SEMA4D: variants seen among roughly 807,000 people sequenced by gnomAD.
SEMA4D encodes the protein semaphorin-4D.
Under a neutral mutation model 74.8 loss-of-function variants are expected in SEMA4D, and 22 were observed. The ratio of observed to expected loss-of-function variants is 0.29; its 90% CI spans 0.21 to 0.42. The LOEUF (loss-of-function observed/expected upper bound fraction) is 0.42, where lower values mean the gene tolerates loss of function less well. Among genes scored for constraint, SEMA4D ranks in the 10% least tolerant of loss-of-function variants. SEMA4D has a pLI of 1.00. For missense variants in SEMA4D, 937 were observed against 1,118.4 expected (o/e 0.84, Z 2.31); for synonymous variants, 445 against 463.7 (o/e 0.96, Z 0.52).
At chr9:89,403,278 C>T (rs1307270031) in intron 3 of SEMA4D, among the ~76,000 whole-genome samples, 1 of 152,200 alleles carries the variant, frequency 6.6e-6, no homozygotes, top group East Asian at 1.9e-4. Context: ...AGCCAGTGTG[C>T]TCACTTTGAA....
At position 89,442,567 on chromosome 9, in the gene SEMA4D, G is replaced by A. The variant is rs978144289; in HGVS notation, c.-244+13321C>T. ...ATAAAAATAAACCATCTGCCTGGCC[G>A]GGGTCCTCTTCCTCTACTTGCTAGA... On this transcript the variant is annotated intron_variant, in intron 2 of 15. Transcript: ENST00000422704. Among the ~76,000 whole-genome samples, 3 of 152,114 alleles carry A rather than the reference G, an allele frequency of 2.0e-5. No homozygotes were observed. In the East Asian group the frequency reaches 5.8e-4, roughly 29 times the overall value.
intron 2 of SEMA4D, among the ~76,000 whole-genome samples, chr9:89,437,720 A>C (rs755179987): frequency 2.6e-4 from 39 of 152,208 alleles, no homozygotes; most frequent in Non-Finnish European, 5.0e-4. Context: ...GAAGGTAGCA[A>C]CGTGACTTGA....
chr9:89,374,993 C>T (rs1835589931), downstream of SEMA4D, among the ~76,000 whole-genome samples: 1 of 152,222 alleles, frequency 6.6e-6, no homozygotes, highest in South Asian at 2.1e-4. Context: ...GCGAAGCTTG[C>T]AGTGAGCCAA....
intron 1 of SEMA4D, among the ~76,000 whole-genome samples, chr9:89,485,223 T>C (rs1825083044): frequency 6.6e-6 from 1 of 152,192 alleles, no homozygotes; most frequent in African/African-American, 2.4e-5. Flanking sequence ...GTTCACAAAC[T>C]GTTCTTAACA....
chr9:89,458,203 G>C (rs1321964602), intron 1 of SEMA4D, among the ~76,000 whole-genome samples: 17 of 152,194 alleles, frequency 1.1e-4, no homozygotes, highest in Admixed American at 1.1e-3. Context: ...AGGAAACACA[G>C]GCTTTTGGGA....
intron 16 of SEMA4D, among the ~76,000 whole-genome samples, chr9:89,365,908 C>G (rs972154758): frequency 6.6e-6 from 1 of 152,206 alleles, no homozygotes; most frequent in Admixed American, 6.5e-5. Flanking sequence ...CTGACTGTGG[C>G]ATCTGCTCAT....
chr9:89,372,299 TGTG>T (rs1289546970), downstream of SEMA4D, among the ~76,000 whole-genome samples: 2 of 70,214 alleles, frequency 2.8e-5, no homozygotes, highest in Non-Finnish European at 5.3e-5. Context: ...GTGTATGGGG[TGTG>T]GTGTGGGTCG....
exon 19 of SEMA4D, chr9:89,361,964 G>A: frequency 3.9e-6 from 1 of 253,874 alleles, no homozygotes; most frequent in Non-Finnish European, 7.8e-6. Context: ...TGCTGGCCAT[G>A]CTAACCCTGT....
Position 89,381,631 on chromosome 9 carries a change from C to T in SEMA4D, c.1447-285G>A, listed in dbSNP as rs917578709. ...CCCTCCAGCAAAGCGCTTCTCTGCA[C>T]GTGTTTCTCTTAGCCAGTGGGGAGG... is the stretch of plus-strand genomic sequence containing the variant. On this transcript the variant is annotated intron_variant, in intron 13 of 15. Coordinates refer to ENST00000422704, the MANE Select transcript of SEMA4D (RefSeq NM_001371194.2). This position sits in a 1 kb window ranked among gnomAD's most constrained non-coding sequence, Gnocchi z 4.6. 6 of 318,632 alleles carry T rather than the reference C, an allele frequency of 1.9e-5. No homozygotes were observed. Among genetic ancestry groups the T allele is most frequent in the East Asian group, 1.0e-4 (2 of 19,696 alleles). 19.7% of individuals were successfully genotyped at this position (318,632 alleles called of 1,614,324 possible). A position where few individuals can be genotyped will look rare whatever the true frequency, so the allele number is the denominator to read the frequency against.
At chr9:89,422,473 G>C (rs540184984) in intron 2 of SEMA4D, among the ~76,000 whole-genome samples, 2 of 152,238 alleles carry the variant, frequency 1.3e-5, no homozygotes, top group South Asian at 2.1e-4. Context: ...GAGGAGACCT[G>C]AAGTCCAAGA....
At chr9:89,439,010 C>A (rs1851118922) in intron 2 of SEMA4D, among the ~76,000 whole-genome samples, 1 of 114,946 alleles carries the variant, frequency 8.7e-6, no homozygotes, top group African/African-American at 3.4e-5. Context: ...AACATGGAGT[C>A]TCGCTCTATC....
At chr9:89,447,075 C>T (rs575074693) in intron 2 of SEMA4D, among the ~76,000 whole-genome samples, 8 of 152,192 alleles carry the variant, frequency 5.3e-5, no homozygotes, top group East Asian at 3.9e-4. Flanking sequence ...GCAGCCAGTC[C>T]GAACCCCGAC....
At chr9:89,405,244 T>C (rs13287862) in intron 3 of SEMA4D, 107 bp downstream of exon 3, 262,279 of 819,394 alleles carry the variant, frequency 0.32, 40,863 homozygotes, top group African/African-American at 0.41. Context: ...GCCTCAGCAT[T>C]CCAGGAAGTG....
At chr9:89,453,675 C>T (rs888475484) in intron 2 of SEMA4D, among the ~76,000 whole-genome samples, 15 of 152,154 alleles carry the variant, frequency 9.9e-5, no homozygotes, top group Non-Finnish European at 2.2e-4. Flanking sequence ...CCTGTGGTGG[C>T]CGTGCTGTCT....
Position 89,377,301 on chromosome 9 carries a change from A to G in SEMA4D, c.*1403T>C. On this transcript the variant is annotated 3_prime_UTR_variant, in exon 16 of 16. Coordinates refer to ENST00000422704, the MANE Select transcript of SEMA4D (RefSeq NM_001371194.2). ...TGTATACAATTCAAAGTAGAAAAAT[A>G]AAAACAAGGTAAATCTTATAAAACA... 2.1e-6 allele frequency: 1 copy of G among 465,602 alleles called. No homozygotes were observed. The highest frequency in any genetic ancestry group is 3.5e-6 in the Non-Finnish European group (1 of 282,228). The allele number at this position is 465,602 out of a possible 1,614,324, so 28.8% of individuals were successfully genotyped here.
intron 12 of SEMA4D, among the ~76,000 whole-genome samples, chr9:89,387,004 A>C (rs1210602445): frequency 6.6e-6 from 1 of 152,250 alleles, no homozygotes; most frequent in Non-Finnish European, 1.5e-5. Flanking sequence ...TCGGCCAGGA[A>C]GCAGGGACGT....
At chr9:89,405,220 G>T (rs893479288) in intron 3 of SEMA4D, 131 bp downstream of exon 3, 1 of 723,420 alleles carries the variant, frequency 1.4e-6, no homozygotes, top group African/African-American at 1.9e-5. Context: ...TCCCTGTCCC[G>T]TTCCCAGCCA....
At chr9:89,432,375 C>A in intron 2 of SEMA4D, among the ~76,000 whole-genome samples, 1 of 152,132 alleles carries the variant, frequency 6.6e-6, no homozygotes, top group East Asian at 1.9e-4. Context: ...GAGCTGAGAT[C>A]TGAAAATTCA....
chr9:89,370,966 GGTGT>G (rs1048242354), intron 16 of SEMA4D, among the ~76,000 whole-genome samples: 2 of 138,940 alleles, frequency 1.4e-5, no homozygotes, highest in African/African-American at 5.5e-5. Context: ...TCTGGGGTAG[GGTGT>G]GTATCTGGGG....
Sources: allele counts gnomAD v4.1 joint callset (sites outside exome capture counted in the v4.1 genomes callset), GRCh38; gene constraint gnomAD v4.1.1; non-coding constraint Gnocchi (gnomAD v3.1); transcripts MANE v1.5; gene names NCBI Gene and HGNC (gene_info 2026-07-23, HGNC 2026-07-21).